RAB44: variants seen among roughly 807,000 people sequenced by gnomAD.
RAB44 encodes RAB44, member RAS oncogene family.
A neutral mutation model predicts 93.3 loss-of-function variants in RAB44; 67 were observed. The ratio of observed to expected loss-of-function variants is 0.72; its 90% CI spans 0.59 to 0.88. RAB44 has a LOEUF of 0.88. RAB44 is among the 40% of genes least tolerant of loss of function. RAB44 has a pLI of 0.00. For missense variants in RAB44, 1,064 were observed against 1,261.7 expected (o/e 0.84, Z 2.37); for synonymous variants, 427 against 520.3 (o/e 0.82, Z 2.44).
At position 36,717,596 on chromosome 6, in the gene RAB44, A is replaced by G. The variant is rs373101091; in HGVS notation, c.641+177A>G. Among the ~76,000 whole-genome samples, 2 of 152,120 alleles carry G rather than the reference A, an allele frequency of 1.3e-5. No homozygotes were observed. The highest frequency in any genetic ancestry group is 4.1e-4 in the South Asian group (2 of 4,826). The stretch of plus-strand genomic sequence containing the variant: ...CCGGGTGGGGAGGACAGAGTTGGTA[A>G]TGGCAGGAGTGGGAAGGGCAGGGTG... On this transcript the variant is annotated intron_variant, in intron 5 of 13. Transcript: ENST00000612677. This position sits in a 1 kb window ranked among gnomAD's most constrained non-coding sequence, Gnocchi z 4.1.
At position 36,725,933 on chromosome 6, in the gene RAB44, G is replaced by T; in HGVS notation, c.2671G>T (p.Gly891Cys). 6.4e-7 allele frequency: 1 copy of T among 1,550,546 alleles called. No individual in the cohort carries two copies. Among genetic ancestry groups the T allele is most frequent in the Non-Finnish European group, 8.7e-7 (1 of 1,146,838 alleles). Residue 891 changes from glycine (G) to cysteine (C), a missense_variant, in exon 10 of 14, where the codon GGC becomes TGC. Transcript: ENST00000612677. ...CFVLQLWDTA[G>C]QERYHSMTRQ... ...TGTGCTGCAGCTCTGGGACACAGCTGGCCAAGAGAGGTAACAGGCACTGTA... is the reference window on the plus strand; with the variant it reads ...TGTGCTGCAGCTCTGGGACACAGCTTGCCAAGAGAGGTAACAGGCACTGTA...
In RAB44 at chr6:36,727,587, A is replaced by G. The variant is rs1437728835; in HGVS notation, c.2692A>G (p.Met898Val). ...AGACTCTCTGGGCAGGTACCACAGTATGACGCGACAGCTGCTCCGCAAGGC... is the reference window on the plus strand; with the variant it reads ...AGACTCTCTGGGCAGGTACCACAGTGTGACGCGACAGCTGCTCCGCAAGGC... ...DTAGQERYHS[M>V]TRQLLRKADG... Residue 898 changes from methionine to valine, a missense_variant, in exon 11 of 14, where the codon ATG (methionine) becomes GTG (valine). Physicochemically the swap from Met to Val is conservative, Grantham distance 21 (BLOSUM62 1). Transcript: ENST00000612677. The G allele has an allele frequency of 1.3e-6, 2 of 1,550,364 alleles. No homozygotes were observed. Among genetic ancestry groups the G allele is most frequent in the African/African-American group, 1.4e-5 (1 of 73,164 alleles).
chr6:36,730,179 GT>G (rs1460902342), intron 12 of RAB44, among the ~76,000 whole-genome samples: 1 of 152,150 alleles, frequency 6.6e-6, no homozygotes, highest in Non-Finnish European at 1.5e-5. Flanking sequence ...GCAATTTCGT[GT>G]GGTTTAACCT....
Position 36,704,342 on chromosome 6 carries a change from A to G in RAB44, c.107A>G (p.Glu36Gly). 1 of 1,536,148 alleles carries G rather than the reference A, an allele frequency of 6.5e-7. No homozygotes were observed. Among genetic ancestry groups the G allele is most frequent in the Non-Finnish European group, 8.7e-7 (1 of 1,146,914 alleles). The change falls in exon 2 of 14, where the codon GAG becomes GGG. Residue 36 changes from glutamate (E) to glycine (G), a missense_variant. Physicochemically the swap from Glu to Gly is moderately conservative, Grantham distance 98. Transcript: ENST00000612677. ...ADGEGAAVAP[E>G]PESWSSQAAA... ...GGTGAAGGCGCTGCAGTGGCCCCAG[A>G]GCCAGAGTCTTGGTCCTCTCAGGCA...
chr6:36,702,315 AG>A (rs1762529363), intron 1 of RAB44, among the ~76,000 whole-genome samples: 1 of 111,552 alleles, frequency 9.0e-6, no homozygotes, highest in African/African-American at 3.6e-5. Flanking sequence ...AGAGAGAGAG[AG>A]AGAGAGAGAG....
chr6:36,711,490 G>A (rs2150329661), intron 2 of RAB44, among the ~76,000 whole-genome samples: 1 of 152,282 alleles, frequency 6.6e-6, no homozygotes, highest in East Asian at 1.9e-4. Flanking sequence ...TTTGTTCAAA[G>A]AATCATGTTA....
At chr6:36,700,202 GGA>G (rs1319066473) in intron 1 of RAB44, among the ~76,000 whole-genome samples, 2 of 152,192 alleles carry the variant, frequency 1.3e-5, no homozygotes, top group East Asian at 3.9e-4. Context: ...CATCCCCGTG[GGA>G]GAGATATTAG....
chr6:36,727,559 T>C lies in RAB44; in HGVS notation c.2682-18T>C, dbSNP rs1763266800. On this transcript the variant is annotated intron_variant, in intron 10 of 13. Coordinates refer to ENST00000612677, the MANE Select transcript of RAB44 (RefSeq NM_001257357.2). The stretch of plus-strand genomic sequence containing the variant: ...GGTCTGGATGCCTGGTGTGGCCTCA[T>C]GCAGACTCTCTGGGCAGGTACCACA... The C allele has an allele frequency of 1.3e-6, 2 of 1,540,394 alleles. No homozygotes were observed. Among genetic ancestry groups the C allele is most frequent in the African/African-American group, 1.4e-5 (1 of 72,878 alleles).
In RAB44 at chr6:36,727,664, C is replaced by T. The variant is rs183145440; in HGVS notation, c.2769C>T (p.His923=). 3.9e-5 allele frequency: 60 copies of T among 1,550,408 alleles called. No homozygotes were observed. In the African/African-American group the frequency reaches 4.2e-4, roughly 11 times the overall value. Residue 923 remains histidine (H), a synonymous_variant, in exon 11 of 14, where the codon CAC becomes CAT. Transcript: ENST00000612677. The part of the protein sequence containing the change: ...YDITSQESFA[H]VRYWLDCLQD... ...TCACCTCCCAGGAGAGCTTTGCCCA[C>T]GTGCGCTACTGGCTAGACTGTCTCC... is the stretch of plus-strand genomic sequence containing the variant.
intron 8 of RAB44, 66 bp downstream of exon 8, chr6:36,720,616 T>C: frequency 5.2e-6 from 6 of 1,158,664 alleles, no homozygotes; most frequent in Non-Finnish European, 6.5e-6. Context: ...TGGGGAACTC[T>C]GAGTTCTCTA....
chr6:36,722,802 G>C, intron 9 of RAB44, 69 bp downstream of exon 9: 1 of 1,526,230 alleles, frequency 6.6e-7, no homozygotes, highest in Non-Finnish European at 8.8e-7. Flanking sequence ...GAGTGAGAGC[G>C]GGCCCAGACC....
intron 7 of RAB44, 139 bp downstream of exon 7, chr6:36,718,727 G>C (rs1243351813): frequency 4.7e-6 from 2 of 426,714 alleles, no homozygotes; most frequent in African/African-American, 4.1e-5. Context: ...TACATGTGAG[G>C]GCCTGAGACA....
intron 4 of RAB44, among the ~76,000 whole-genome samples, chr6:36,716,739 C>A (rs574475699): frequency 6.6e-6 from 1 of 152,252 alleles, no homozygotes; most frequent in Admixed American, 6.5e-5. Context: ...ATTCATTTGG[C>A]ATCTTGGCCT....
chr6:36,728,916 C>G (rs1232723175), intron 12 of RAB44, 115 bp downstream of exon 12: 2 of 793,012 alleles, frequency 2.5e-6, no homozygotes, highest in Non-Finnish European at 2.1e-6. Context: ...GTGGCCCATT[C>G]CTGCCCCTGC....
chr6:36,721,553 G>A lies in RAB44; in HGVS notation c.1419G>A (p.Gly473=). ...PHDPDPNQEP[G]STPEGRLLWG... is the part of the protein sequence containing the mutation. Reference sequence around the variant, plus strand: ...ACCCGGACCCCAACCAGGAGCCAGGGTCCACACCCGAGGGCCGCCTCCTCT... The same window carrying A: ...ACCCGGACCCCAACCAGGAGCCAGGATCCACACCCGAGGGCCGCCTCCTCT... Residue 473 remains glycine (G), a synonymous_variant, in exon 9 of 14, where the codon GGG becomes GGA. Transcript: ENST00000612677. The A allele has an allele frequency of 1.6e-6, 2 of 1,234,506 alleles. No individual in the cohort carries two copies. Among genetic ancestry groups the A allele is most frequent in the Non-Finnish European group, 2.0e-6 (2 of 988,342 alleles). The allele number at this position is 1,234,506 out of a possible 1,614,324, so 76.5% of individuals were successfully genotyped here. A position where few individuals can be genotyped will look rare whatever the true frequency, so the allele number is the denominator to read the frequency against.
Position 36,731,923 on chromosome 6 carries a change from C to T in RAB44, c.2976-80C>T, listed in dbSNP as rs369870299. ...GGGGGTTGTGGGTGCGGCCTCCCAC[C>T]CCCCAGCTGCACCCATGGGCCCATC... On this transcript the variant is annotated intron_variant, in intron 13 of 13. Coordinates refer to ENST00000612677, the MANE Select transcript of RAB44 (RefSeq NM_001257357.2). This position sits in a 1 kb window ranked among gnomAD's most constrained non-coding sequence, Gnocchi z 4.0. 2.1e-6 allele frequency: 2 copies of T among 949,584 alleles called. No homozygotes were observed. Among genetic ancestry groups the T allele is most frequent in the Non-Finnish European group, 2.7e-6 (2 of 731,194 alleles). The allele number at this position is 949,584 out of a possible 1,614,324, so 58.8% of individuals were successfully genotyped here. A position where few individuals can be genotyped will look rare whatever the true frequency, so the allele number is the denominator to read the frequency against.
intron 1 of RAB44, among the ~76,000 whole-genome samples, chr6:36,699,676 C>CAG (rs1194869118): frequency 6.6e-6 from 1 of 152,192 alleles, no homozygotes; most frequent in Non-Finnish European, 1.5e-5. Flanking sequence ...ACCAGAAGAG[C>CAG]AGAGTCTGGT....
chr6:36,720,607 G>A, intron 8 of RAB44, 57 bp downstream of exon 8: 2 of 1,192,854 alleles, frequency 1.7e-6, no homozygotes, highest in Non-Finnish European at 2.1e-6. Context: ...TGGAACCAGT[G>A]GGGAACTCTG....
intron 1 of RAB44, among the ~76,000 whole-genome samples, chr6:36,700,214 G>T (rs1167310462): frequency 6.6e-6 from 1 of 152,164 alleles, no homozygotes; most frequent in East Asian, 1.9e-4. Context: ...AGAGATATTA[G>T]TCCTAAGTTT....
Sources: allele counts gnomAD v4.1 joint callset (sites outside exome capture counted in the v4.1 genomes callset), GRCh38; gene constraint gnomAD v4.1.1; non-coding constraint Gnocchi (gnomAD v3.1); transcripts MANE v1.5; gene names NCBI Gene and HGNC (gene_info 2026-07-23, HGNC 2026-07-21).